Variants in KDM4B observed in about 807,000 individuals in gnomAD.
KDM4B encodes the protein lysine demethylase 4B.
KDM4B carries 32 observed loss-of-function variants against 125.2 expected under a neutral mutation model. The observed-to-expected ratio is 0.26, with a 90% CI of 0.19 to 0.34. KDM4B has a LOEUF of 0.34. KDM4B is among the 10% of genes least tolerant of loss of function. The pLI, the probability that KDM4B is intolerant of heterozygous loss-of-function variation, is 1.00. For synonymous variants in KDM4B, 721 were observed against 677.9 expected, an observed-to-expected ratio of 1.06 and a Z score of -0.99; for missense variants, 1,190 against 1,577.7, an observed-to-expected ratio of 0.75 and a Z score of 4.16.
chr19:4,977,953 C>A lies in KDM4B; in HGVS notation c.-109+8723C>A, dbSNP rs545019777. Reference sequence around the variant, plus strand: ...AGTCGCGTCATGTTGCTGTTGTCCCCTTCCTGCAGCATCTCCATACTCTCC... The same window carrying A: ...AGTCGCGTCATGTTGCTGTTGTCCCATTCCTGCAGCATCTCCATACTCTCC... On this transcript the variant is annotated intron_variant, in intron 1 of 22. Transcript: ENST00000159111. Among the ~76,000 whole-genome samples, 3 of 152,304 alleles carry A rather than the reference C, an allele frequency of 2.0e-5. No homozygotes were observed. In the South Asian group the frequency reaches 6.2e-4, roughly 32 times the overall value.
At chr19:4,987,142 A>G (rs2034864362) in intron 1 of KDM4B, among the ~76,000 whole-genome samples, 1 of 152,034 alleles carries the variant, frequency 6.6e-6, no homozygotes, top group Admixed American at 6.6e-5. Context: ...TATTTTTAGT[A>G]GAGATGGGGT....
chr19:5,137,901 C>T, intron 17 of KDM4B, 61 bp from the exon 18 acceptor site: 1 of 1,429,970 alleles, frequency 7.0e-7, no homozygotes, highest in South Asian at 1.2e-5. Context: ...ACGCCCAGCC[C>T]CTCTGTGACC....
At chr19:5,052,942 C>A (rs922928303) in intron 6 of KDM4B, among the ~76,000 whole-genome samples, 1 of 152,152 alleles carries the variant, frequency 6.6e-6, no homozygotes, top group Admixed American at 6.6e-5. Context: ...AAGGCATGGC[C>A]CCCCTCAGTG....
chr19:5,150,827 G>A (rs887568762), intron 22 of KDM4B, among the ~76,000 whole-genome samples: 1 of 152,226 alleles, frequency 6.6e-6, no homozygotes, highest in Non-Finnish European at 1.5e-5. Flanking sequence ...GGGTACAGGC[G>A]AAGTACGGGC....
At chr19:5,095,488 C>G (rs1006560847) in intron 9 of KDM4B, among the ~76,000 whole-genome samples, 9 of 152,246 alleles carry the variant, frequency 5.9e-5, no homozygotes, top group Non-Finnish European at 2.9e-5. Flanking sequence ...CCCTGGGCTC[C>G]AAGGCAGCAG....
intron 4 of KDM4B, among the ~76,000 whole-genome samples, chr19:5,040,684 G>T (rs1469134698): frequency 6.6e-6 from 1 of 151,872 alleles, no homozygotes; most frequent in Non-Finnish European, 1.5e-5. Context: ...TCTGTCTGTG[G>T]CCTCCACCCT....
At chr19:5,002,047 G>T (rs754472206) in intron 1 of KDM4B, among the ~76,000 whole-genome samples, 1 of 151,466 alleles carries the variant, frequency 6.6e-6, no homozygotes, top group African/African-American at 2.4e-5. Flanking sequence ...GCCCAGGCTG[G>T]AGTGCAGTGG....
At chr19:5,091,281 G>A (rs185901271) in intron 9 of KDM4B, among the ~76,000 whole-genome samples, 69 of 152,324 alleles carry the variant, frequency 4.5e-4, no homozygotes, top group Non-Finnish European at 8.7e-4. Flanking sequence ...TAAACAGAGC[G>A]CGAGAGATGT....
intron 7 of KDM4B, among the ~76,000 whole-genome samples, chr19:5,072,894 A>G (rs929430710): frequency 1.3e-5 from 2 of 152,108 alleles, no homozygotes; most frequent in Non-Finnish European, 2.9e-5. Context: ...GCTCGGTCCC[A>G]GGGGAGAACC....
intron 3 of KDM4B, 115 bp downstream of exon 3, chr19:5,033,146 T>G: frequency 1.6e-6 from 2 of 1,230,902 alleles, no homozygotes; most frequent in Non-Finnish European, 2.3e-6. Context: ...ACGTGGAATG[T>G]GTTTCGGGGC....
chr19:5,069,515 G>C (rs2037879920), intron 6 of KDM4B, among the ~76,000 whole-genome samples: 1 of 151,872 alleles, frequency 6.6e-6, no homozygotes, highest in Non-Finnish European at 1.5e-5. Context: ...TCACCATGTT[G>C]GTCAGGCTGG....
chr19:5,091,955 T>A (rs1321791363), intron 9 of KDM4B, among the ~76,000 whole-genome samples: 2 of 152,072 alleles, frequency 1.3e-5, no homozygotes, highest in Non-Finnish European at 2.9e-5. Context: ...TCTTCCCAGA[T>A]CTTCCCTGTC....
At chr19:5,106,059 C>G (rs1394567272) in intron 9 of KDM4B, among the ~76,000 whole-genome samples, 1 of 152,242 alleles carries the variant, frequency 6.6e-6, no homozygotes, top group Non-Finnish European at 1.5e-5. Context: ...TGAGAGAGCT[C>G]TGCCCATAAT....
chr19:5,002,567 T>C (rs1346374126), intron 1 of KDM4B, among the ~76,000 whole-genome samples: 1 of 151,866 alleles, frequency 6.6e-6, no homozygotes, highest in Non-Finnish European at 1.5e-5. Context: ...TTGCCCACGC[T>C]GGTCTCAAAC....
intron 8 of KDM4B, among the ~76,000 whole-genome samples, chr19:5,079,814 G>A (rs1193063643): frequency 1.3e-5 from 2 of 152,184 alleles, no homozygotes; most frequent in African/African-American, 4.8e-5. Context: ...TGTTTCTCTT[G>A]TCTTGGCCTC....
chr19:4,984,504 T>TG (rs1215319756), intron 1 of KDM4B, among the ~76,000 whole-genome samples: 2 of 152,076 alleles, frequency 1.3e-5, no homozygotes, highest in East Asian at 3.8e-4. Context: ...TGGGGGTTTC[T>TG]GGGGGAAGCT....
intron 1 of KDM4B, among the ~76,000 whole-genome samples, chr19:4,978,245 G>A (rs1260268467): frequency 6.6e-6 from 1 of 152,064 alleles, no homozygotes; most frequent in African/African-American, 2.4e-5. Flanking sequence ...AGTGGCTCAC[G>A]CCTGTCATCC....
chr19:4,985,841 C>T (rs1042238656), intron 1 of KDM4B, among the ~76,000 whole-genome samples: 2 of 152,206 alleles, frequency 1.3e-5, no homozygotes, highest in African/African-American at 2.4e-5. Flanking sequence ...CCTGGGAGCG[C>T]GGATTGGGAC....
In KDM4B at chr19:5,144,310, G is replaced by T; in HGVS notation, c.2799G>T (p.Leu933=). ...QVVITKNRNG[L]YYRCRVIGAA... ...TCATCACCAAGAACCGCAACGGGCT[G>T]TACTACCGCTGTCGCGTCATCGGTG... Residue 933 remains leucine, a synonymous_variant, in exon 20 of 23, where the codon CTG becomes CTT. Transcript: ENST00000159111. 6.3e-7 allele frequency: 1 copy of T among 1,589,842 alleles called. No individual in the cohort carries two copies. The highest frequency in any genetic ancestry group is 2.3e-5 in the East Asian group (1 of 43,596).
Sources: allele counts gnomAD v4.1 joint callset (sites outside exome capture counted in the v4.1 genomes callset), GRCh38; gene constraint gnomAD v4.1.1; transcripts MANE v1.5; gene names NCBI Gene and HGNC (gene_info 2026-07-23, HGNC 2026-07-21).